Variants in ADAMTSL1 observed in about 807,000 individuals in gnomAD.
ADAMTSL1 encodes ADAMTS like 1, also known as ADAMTS-like protein 1.
Under a neutral mutation model 201.8 loss-of-function variants are expected in ADAMTSL1, and 126 were observed. The ratio of observed to expected loss-of-function variants is 0.62; its 90% CI spans 0.54 to 0.72. The LOEUF (loss-of-function observed/expected upper bound fraction) is 0.72, where lower values mean the gene tolerates loss of function less well. ADAMTSL1 is among the 30% of genes least tolerant of loss of function. The pLI is 0.00. For missense variants in ADAMTSL1, 2,679 were observed against 2,277.8 expected (o/e 1.18, Z -3.59); for synonymous variants, 1,121 against 903.4 (o/e 1.24, Z -4.32).
chr9:18,750,255 A>T (rs1819391793), intron 15 of ADAMTSL1, among the ~76,000 whole-genome samples: 1 of 151,892 alleles, frequency 6.6e-6, no homozygotes, highest in Non-Finnish European at 1.5e-5. Flanking sequence ...TCTAGCAAAC[A>T]CCCCAGAAGC....
chr9:18,312,901 G>A (rs755676731), intron 2 of ADAMTSL1, among the ~76,000 whole-genome samples: 3 of 152,122 alleles, frequency 2.0e-5, no homozygotes, highest in Non-Finnish European at 4.4e-5. Context: ...AGCCAGTAAC[G>A]CATGCACTTC....
intron 2 of ADAMTSL1, among the ~76,000 whole-genome samples, chr9:18,257,765 A>G (rs1054064828): frequency 4.6e-5 from 7 of 152,216 alleles, no homozygotes; most frequent in Non-Finnish European, 8.8e-5. Flanking sequence ...ACAACAGATG[A>G]GTAGATAAAT....
chr9:18,132,071 T>C (rs551422520), intron 1 of ADAMTSL1, among the ~76,000 whole-genome samples: 1 of 152,260 alleles, frequency 6.6e-6, no homozygotes, highest in African/African-American at 2.4e-5. Context: ...TAAGGATCAA[T>C]AATTTTTCCT....
chr9:18,005,185 T>A (rs145409305), intron 1 of ADAMTSL1, among the ~76,000 whole-genome samples: 1 of 152,114 alleles, frequency 6.6e-6, no homozygotes, highest in African/African-American at 2.4e-5. Context: ...ACTTAAATGA[T>A]AACTGAAGGA....
In ADAMTSL1 at chr9:18,681,697, T is replaced by TGTGTTGG. The variant is rs370940110; in HGVS notation, c.1342-114_1342-113insTGTTGGG. The TGTGTTGG allele has an allele frequency of 4.2e-4, 101 of 240,316 alleles. 2 individuals are homozygous for TGTGTTGG. The highest frequency in any genetic ancestry group is 1.0e-3 in the South Asian group (12 of 11,986). The allele number at this position is 240,316 out of a possible 1,614,324, so 14.9% of individuals were successfully genotyped here. A position where few individuals can be genotyped will look rare whatever the true frequency, so the allele number is the denominator to read the frequency against. On this transcript the variant is annotated intron_variant, in intron 11 of 28. Coordinates refer to ENST00000380548, the MANE Select transcript of ADAMTSL1 (RefSeq NM_001040272.6). ...TATAAATTTACCAGGAGTCCTCGTG[T>TGTGTTGG]GGGGGGGGGGGGCGGGGAAAAAGAA...
chr9:18,666,970 C>T (rs1221973610), intron 9 of ADAMTSL1, among the ~76,000 whole-genome samples: 7 of 136,438 alleles, frequency 5.1e-5, no homozygotes, highest in African/African-American at 1.7e-4. Context: ...TTTTTTTTGG[C>T]ACAGACCTTT....
At chr9:18,597,807 G>A (rs918212513) in intron 4 of ADAMTSL1, among the ~76,000 whole-genome samples, 23 of 152,160 alleles carry the variant, frequency 1.5e-4, no homozygotes, top group Admixed American at 5.2e-4. Flanking sequence ...TCCAGATTTT[G>A]AGCCTTTGAA....
chr9:18,210,635 C>T (rs190396982), intron 2 of ADAMTSL1, among the ~76,000 whole-genome samples: 94 of 151,504 alleles, frequency 6.2e-4, no homozygotes, highest in Middle Eastern at 3.4e-3. Context: ...GATTCACTTG[C>T]ATTTCTGTGG....
intron 2 of ADAMTSL1, among the ~76,000 whole-genome samples, chr9:18,392,216 C>T (rs1838082702): frequency 6.6e-6 from 1 of 152,084 alleles, no homozygotes; most frequent in South Asian, 2.1e-4. Flanking sequence ...AATAAGGGTC[C>T]TACTACTTTA....
intron 1 of ADAMTSL1, among the ~76,000 whole-genome samples, chr9:18,069,110 T>C (rs1310360596): frequency 2.0e-5 from 3 of 152,100 alleles, no homozygotes; most frequent in Non-Finnish European, 4.4e-5. Flanking sequence ...CGTGACTCAC[T>C]GCTGACATGT....
intron 7 of ADAMTSL1, among the ~76,000 whole-genome samples, chr9:18,647,074 A>G (rs920344578): frequency 2.9e-4 from 44 of 152,160 alleles, no homozygotes; most frequent in East Asian, 3.9e-4. Flanking sequence ...AGATCCTGTT[A>G]TTGGTCTACT....
chr9:18,114,003 C>T (rs1475583697), intron 1 of ADAMTSL1, among the ~76,000 whole-genome samples: 1 of 151,638 alleles, frequency 6.6e-6, no homozygotes, highest in Non-Finnish European at 1.5e-5. Flanking sequence ...GTCATAAATG[C>T]GAAGAATGGA....
At chr9:18,502,163 A>C (rs1822877730) in intron 1 of ADAMTSL1, among the ~76,000 whole-genome samples, 1 of 151,966 alleles carries the variant, frequency 6.6e-6, no homozygotes, top group Non-Finnish European at 1.5e-5. Context: ...CTGCGTGTGG[A>C]TTTTCTTTAG....
At position 18,486,215 on chromosome 9, in the gene ADAMTSL1, G is replaced by A. The variant is rs190748252; in HGVS notation, c.63+11920G>A. On this transcript the variant is annotated intron_variant, in intron 1 of 28. Transcript: ENST00000380548. Reference sequence around the variant, plus strand: ...GTTAAAATTTTTGACCTACAGTTAGGGATTATTTTTCCCAAATTATTGAAG... The same window carrying A: ...GTTAAAATTTTTGACCTACAGTTAGAGATTATTTTTCCCAAATTATTGAAG... 4.6e-5 allele frequency among the ~76,000 whole-genome samples: 7 copies of A among 152,190 alleles called. No homozygotes were observed. In the East Asian group the frequency reaches 1.4e-3, roughly 29 times the overall value.
At chr9:18,638,972 G>A (rs981845798) in intron 6 of ADAMTSL1, among the ~76,000 whole-genome samples, 2 of 152,014 alleles carry the variant, frequency 1.3e-5, no homozygotes, top group African/African-American at 2.4e-5. Flanking sequence ...GCAGTAAAGC[G>A]GGATGCCCAA....
rs73645719 is a variant in ADAMTSL1, at chr9:18,129,010, A to G, written c.88-34852A>G. 4.1e-3 allele frequency among the ~76,000 whole-genome samples: 625 copies of G among 152,318 alleles called. 2 individuals carry two copies. Among genetic ancestry groups the G allele is most frequent in the African/African-American group, 0.014 (590 of 41,574 alleles). On this transcript the variant is annotated intron_variant, in intron 1 of 29. Coordinates refer to the ADAMTSL1 transcript ENST00000680146. ...TATAAAACAGACTGTAATACATTAA[A>G]ATTATGTCTCCCCCACTTTTCCAAA...
chr9:18,140,785 T>A (rs138807598), intron 1 of ADAMTSL1, among the ~76,000 whole-genome samples: 1 of 152,176 alleles, frequency 6.6e-6, no homozygotes, highest in Non-Finnish European at 1.5e-5. Context: ...TCTGGCCTGG[T>A]ATGTTAACTG....
chr9:17,924,873 G>T (rs1380017365), intron 1 of ADAMTSL1, among the ~76,000 whole-genome samples: 22 of 86,622 alleles, frequency 2.5e-4, no homozygotes, highest in Non-Finnish European at 5.0e-4. Flanking sequence ...TTAAACTAAA[G>T]AGCTTCTGCA....
At chr9:18,449,291 A>C (rs1820316645) in intron 2 of ADAMTSL1, among the ~76,000 whole-genome samples, 1 of 150,616 alleles carries the variant, frequency 6.6e-6, no homozygotes, top group Non-Finnish European at 1.5e-5. Flanking sequence ...AAATATAATT[A>C]TATAATTTAT....
Sources: gnomAD v4.1 joint callset for allele counts (sites outside exome capture counted in the v4.1 genomes callset) on GRCh38, gnomAD v4.1.1 for gene constraint, MANE v1.5 for transcripts, NCBI Gene and HGNC (gene_info 2026-07-23, HGNC 2026-07-21) for gene names.